Variants in FARS2 observed in about 807,000 individuals in gnomAD.
FARS2 encodes the protein phenylalanyl-tRNA synthetase 2, mitochondrial, also known as phenylalanine--tRNA ligase, mitochondrial.
In FARS2, 40 loss-of-function variants were observed where a neutral mutation model predicts 46.4. The ratio of observed to expected loss-of-function variants is 0.86; its 90% CI spans 0.67 to 1.12. The LOEUF (loss-of-function observed/expected upper bound fraction) is 1.12, where lower values mean the gene tolerates loss of function less well. FARS2 is among the 50% of genes most tolerant of loss of function. The pLI, the probability that FARS2 is intolerant of heterozygous loss-of-function variation, is 0.00. For synonymous variants in FARS2, 234 were observed against 214.9 expected (o/e 1.09, Z -0.78); for missense variants, 513 against 567.9 (o/e 0.90, Z 0.98).
intron 1 of FARS2, among the ~76,000 whole-genome samples, chr6:5,299,513 C>T (rs1018148044): frequency 2.6e-5 from 4 of 152,128 alleles, no homozygotes; most frequent in African/African-American, 7.2e-5. Flanking sequence ...TAAGCTTATT[C>T]GGTTGAAAGT....
chr6:5,481,883 C>G (rs953880369), intron 4 of FARS2, among the ~76,000 whole-genome samples: 1 of 152,136 alleles, frequency 6.6e-6, no homozygotes, highest in African/African-American at 2.4e-5. Context: ...AGACGCAGCT[C>G]TTAGGATGGC....
rs563991208 is a variant in FARS2 at position 5,285,237 on chromosome 6, G to C, written c.-22+23577G>C. The stretch of plus-strand genomic sequence containing the variant: ...GGTGAGAAGCATCGGATGCAGTGAC[G>C]GAAGAGGCCAAAGGGAGCAGTGTCC... On this transcript the variant is annotated intron_variant, in intron 1 of 6. Coordinates refer to ENST00000274680, the MANE Select transcript of FARS2 (RefSeq NM_006567.5). 5.9e-5 allele frequency among the ~76,000 whole-genome samples: 9 copies of C among 152,252 alleles called. No individual in the cohort carries two copies. In the South Asian group the frequency reaches 1.5e-3, roughly 25 times the overall value.
chr6:5,603,601 C>T (rs1774663475), intron 5 of FARS2, among the ~76,000 whole-genome samples: 2 of 152,220 alleles, frequency 1.3e-5, no homozygotes, highest in African/African-American at 4.8e-5. Context: ...TTTGCTGGCA[C>T]ACTTTGGCAT....
chr6:5,361,921 T>C (rs1451497834), intron 1 of FARS2, among the ~76,000 whole-genome samples: 1 of 152,208 alleles, frequency 6.6e-6, no homozygotes, highest in African/African-American at 2.4e-5. Flanking sequence ...AAAGGACTGT[T>C]GAAATGATTA....
At chr6:5,656,008 T>G (rs1477013001) in intron 6 of FARS2, among the ~76,000 whole-genome samples, 2 of 152,236 alleles carry the variant, frequency 1.3e-5, no homozygotes, top group African/African-American at 4.8e-5. Context: ...TGATTGTGGC[T>G]TATTACTCTG....
chr6:5,457,367 A>C (rs182512919), intron 4 of FARS2, among the ~76,000 whole-genome samples: 4 of 152,194 alleles, frequency 2.6e-5, no homozygotes, highest in African/African-American at 9.6e-5. Flanking sequence ...TTCCTCCCTG[A>C]ATCTCTCAGT....
chr6:5,646,559 C>T (rs1777086538), intron 6 of FARS2, among the ~76,000 whole-genome samples: 1 of 152,146 alleles, frequency 6.6e-6, no homozygotes, highest in South Asian at 2.1e-4. Context: ...GATTATGAAT[C>T]TGTTCGCTAT....
At chr6:5,296,555 C>T (rs1008340258) in intron 1 of FARS2, among the ~76,000 whole-genome samples, 3 of 152,162 alleles carry the variant, frequency 2.0e-5, no homozygotes, top group African/African-American at 4.8e-5. Context: ...ATTGAAACTT[C>T]GTACCCAGTA....
chr6:5,676,254 T>C (rs1778761408), intron 6 of FARS2, among the ~76,000 whole-genome samples: 1 of 152,210 alleles, frequency 6.6e-6, no homozygotes, highest in Non-Finnish European at 1.5e-5. Flanking sequence ...GGGATTCTGC[T>C]CTTGTCTTTT....
intron 4 of FARS2, among the ~76,000 whole-genome samples, chr6:5,460,047 A>G (rs1434263212): frequency 1.3e-5 from 2 of 152,226 alleles, no homozygotes; most frequent in Admixed American, 6.5e-5. Flanking sequence ...GTGTTTTGGG[A>G]TAGATCGGTG....
At chr6:5,592,249 A>G (rs2150606426) in intron 5 of FARS2, among the ~76,000 whole-genome samples, 1 of 152,168 alleles carries the variant, frequency 6.6e-6, no homozygotes, top group South Asian at 2.1e-4. Flanking sequence ...AGCCACACAT[A>G]GTGGTATATG....
chr6:5,432,330 A>ATG (rs1562036407), intron 4 of FARS2, among the ~76,000 whole-genome samples: 2 of 35,262 alleles, frequency 5.7e-5, no homozygotes, highest in African/African-American at 1.3e-4. Flanking sequence ...AAAAAAAAAT[A>ATG]TATATATATA....
At chr6:5,478,488 G>A (rs1053910828) in intron 4 of FARS2, among the ~76,000 whole-genome samples, 4 of 152,148 alleles carry the variant, frequency 2.6e-5, no homozygotes, top group Admixed American at 1.3e-4. Flanking sequence ...ATAACTCATG[G>A]CAGAAGCATG....
chr6:5,640,211 C>T (rs756764475), intron 6 of FARS2, among the ~76,000 whole-genome samples: 1 of 152,002 alleles, frequency 6.6e-6, no homozygotes, highest in Non-Finnish European at 1.5e-5. Flanking sequence ...CGTGTACACA[C>T]GTACTTGCAC....
chr6:5,739,507 A>G (rs1041834633), intron 6 of FARS2, among the ~76,000 whole-genome samples: 8 of 152,210 alleles, frequency 5.3e-5, no homozygotes, highest in Non-Finnish European at 1.0e-4. Flanking sequence ...AAATTAATTC[A>G]AAATGGCTTA....
chr6:5,559,485 C>A (rs1176485253), intron 5 of FARS2, among the ~76,000 whole-genome samples: 1 of 152,122 alleles, frequency 6.6e-6, no homozygotes, highest in African/African-American at 2.4e-5. Context: ...TTCTGCTTCC[C>A]AGTCTCCCCA....
chr6:5,563,842 G>A (rs1772158700), intron 5 of FARS2, among the ~76,000 whole-genome samples: 2 of 152,286 alleles, frequency 1.3e-5, no homozygotes, highest in South Asian at 2.1e-4. Context: ...AAAGAAGACT[G>A]GAATTTATTA....
chr6:5,447,704 A>G (rs938507274), intron 4 of FARS2, among the ~76,000 whole-genome samples: 1 of 152,188 alleles, frequency 6.6e-6, no homozygotes, highest in African/African-American at 2.4e-5. Flanking sequence ...GAACCTGTGT[A>G]GTTTATTGAG....
chr6:5,686,828 A>T (rs1223601438), intron 6 of FARS2, among the ~76,000 whole-genome samples: 1 of 152,234 alleles, frequency 6.6e-6, no homozygotes, highest in Non-Finnish European at 1.5e-5. Context: ...ATAGTGTGAA[A>T]GTGTTCCTAT....
Sources: gnomAD v4.1 joint callset for allele counts (sites outside exome capture counted in the v4.1 genomes callset) on GRCh38, gnomAD v4.1.1 for gene constraint, MANE v1.5 for transcripts, NCBI Gene and HGNC (gene_info 2026-07-23, HGNC 2026-07-21) for gene names.